Variants in NRG1 observed in about 807,000 individuals in gnomAD.
NRG1 encodes the protein pro-neuregulin-1, membrane-bound isoform.
Under a neutral mutation model 63.8 loss-of-function variants are expected in NRG1, and 18 were observed. The observed-to-expected ratio is 0.28, with a 90% CI of 0.19 to 0.42. NRG1 has a LOEUF of 0.42. Ranked by LOEUF, NRG1 falls within the 10% of genes least tolerant of loss-of-function variation. NRG1 has a pLI of 1.00. For missense variants in NRG1, 762 were observed against 814.7 expected, an observed-to-expected ratio of 0.94 and a Z score of 0.79; for synonymous variants, 302 against 301.3, an observed-to-expected ratio of 1.00 and a Z score of -0.02.
At chr8:32,203,200 T>C (rs867004132) in intron 1 of NRG1, among the ~76,000 whole-genome samples, 2,655 of 148,782 alleles carry the variant, frequency 0.018, 81 homozygotes, top group African/African-American at 0.063. Flanking sequence ...TTTTTTTTTT[T>C]TTTTTTTTTT....
intron 1 of NRG1, among the ~76,000 whole-genome samples, chr8:31,862,254 A>C (rs951376758): frequency 1.3e-5 from 2 of 152,152 alleles, no homozygotes; most frequent in African/African-American, 4.8e-5. Flanking sequence ...TCAGGAGAAA[A>C]GTTGGGAGAG....
chr8:31,971,188 A>G (rs1257506181), intron 1 of NRG1, among the ~76,000 whole-genome samples: 2 of 151,898 alleles, frequency 1.3e-5, no homozygotes, highest in African/African-American at 4.8e-5. Context: ...CAATTCCTTT[A>G]TCATATATGT....
intron 5 of NRG1, among the ~76,000 whole-genome samples, chr8:32,658,284 C>A (rs1802006281): frequency 6.6e-6 from 1 of 152,132 alleles, no homozygotes; most frequent in South Asian, 2.1e-4. Flanking sequence ...GATTTGTCAC[C>A]TTGAAACTTT....
chr8:32,387,769 A>C (rs1474639973), intron 1 of NRG1, among the ~76,000 whole-genome samples: 1 of 152,102 alleles, frequency 6.6e-6, no homozygotes, highest in Admixed American at 6.5e-5. Context: ...GAAAGTTCCC[A>C]GCAAAAAAAA....
intron 1 of NRG1, among the ~76,000 whole-genome samples, chr8:32,007,067 C>T (rs1176395804): frequency 6.6e-6 from 1 of 151,982 alleles, no homozygotes. Context: ...ACTGACATTC[C>T]TCTTGTTTTG....
chr8:32,647,343 C>T, intron 5 of NRG1: 2 of 985,352 alleles, frequency 2.0e-6, no homozygotes, highest in Non-Finnish European at 2.4e-6. Flanking sequence ...GCTTCAGATG[C>T]TCGAGGTGAG....
chr8:32,714,313 G>T (rs1181684772), intron 5 of NRG1, among the ~76,000 whole-genome samples: 1 of 152,162 alleles, frequency 6.6e-6, no homozygotes, highest in Non-Finnish European at 1.5e-5. Flanking sequence ...GAACAAAATG[G>T]CCAAGTAGGT....
At chr8:32,751,830 C>A (rs1009318903) in intron 7 of NRG1, among the ~76,000 whole-genome samples, 11 of 152,236 alleles carry the variant, frequency 7.2e-5, no homozygotes, top group African/African-American at 2.4e-4. Flanking sequence ...TCATCATGCA[C>A]CATATGTTTC....
chr8:32,094,642 G>A (rs2131303462), intron 1 of NRG1, among the ~76,000 whole-genome samples: 1 of 152,232 alleles, frequency 6.6e-6, no homozygotes, highest in South Asian at 2.1e-4. Flanking sequence ...AGTGAAACAA[G>A]TATGTGTTTT....
At chr8:32,644,629 G>A (rs934245590) in intron 5 of NRG1, among the ~76,000 whole-genome samples, 2 of 152,124 alleles carry the variant, frequency 1.3e-5, no homozygotes, top group South Asian at 4.1e-4. Context: ...GACTTTTGGG[G>A]GAAAAACAGA....
At chr8:32,331,620 T>A (rs1802666037) in intron 1 of NRG1, among the ~76,000 whole-genome samples, 1 of 152,212 alleles carries the variant, frequency 6.6e-6, no homozygotes, top group Non-Finnish European at 1.5e-5. Context: ...ATCTTTTATC[T>A]ATATTCAAAA....
chr8:32,357,469 A>G (rs1806591596), intron 1 of NRG1, among the ~76,000 whole-genome samples: 2 of 152,190 alleles, frequency 1.3e-5, no homozygotes, highest in South Asian at 4.1e-4. Context: ...TTCACCATAA[A>G]TAGACATGAG....
intron 1 of NRG1, among the ~76,000 whole-genome samples, chr8:32,146,481 G>A (rs1585641003): frequency 6.6e-6 from 1 of 151,954 alleles, no homozygotes; most frequent in Non-Finnish European, 1.5e-5. Flanking sequence ...ATAAACTCAA[G>A]GCATATTAAT....
chr8:32,433,165 T>A (rs1818367159), intron 1 of NRG1, among the ~76,000 whole-genome samples: 12 of 152,116 alleles, frequency 7.9e-5, no homozygotes, highest in Admixed American at 7.9e-4. Flanking sequence ...GGGCCCTGTT[T>A]CCTCTCATCT....
chr8:32,568,999 A>C (rs2129528301), intron 1 of NRG1, among the ~76,000 whole-genome samples: 1 of 151,754 alleles, frequency 6.6e-6, no homozygotes, highest in South Asian at 2.1e-4. Flanking sequence ...ACCCTGTGGA[A>C]GTAGTAAGTT....
chr8:32,198,419 C>G (rs535502438), intron 1 of NRG1, among the ~76,000 whole-genome samples: 1 of 152,140 alleles, frequency 6.6e-6, no homozygotes. Flanking sequence ...CTCAGGTAAT[C>G]CACCTGCCTC....
At chr8:32,090,548 T>TGACCTCAGGTGTTCTGCC (rs1447566721) in intron 1 of NRG1, among the ~76,000 whole-genome samples, 7 of 152,278 alleles carry the variant, frequency 4.6e-5, no homozygotes, top group African/African-American at 1.7e-4. Context: ...CTCGAACTCT[T>TGACCTCAGGTGTTCTGCC]GACCTCAGGT....
intron 1 of NRG1, among the ~76,000 whole-genome samples, chr8:31,794,680 A>G (rs939736567): frequency 2.6e-5 from 4 of 152,070 alleles, no homozygotes; most frequent in Non-Finnish European, 2.9e-5. Flanking sequence ...AATTATTATT[A>G]TTGTCATAGG....
chr8:32,175,748 T>G (rs1173170891), intron 1 of NRG1, among the ~76,000 whole-genome samples: 2 of 152,046 alleles, frequency 1.3e-5, no homozygotes, highest in African/African-American at 4.8e-5. Flanking sequence ...TCAAAGAGAA[T>G]AAAATACCTA....
Sources: allele counts gnomAD v4.1 joint callset (sites outside exome capture counted in the v4.1 genomes callset), GRCh38; gene constraint gnomAD v4.1.1; transcripts MANE v1.5; gene names NCBI Gene and HGNC (gene_info 2026-07-23, HGNC 2026-07-21).